ERBB4: variants seen among roughly 807,000 people sequenced by gnomAD.
ERBB4 encodes the protein receptor tyrosine-protein kinase erbB-4.
A neutral mutation model predicts 158.0 loss-of-function variants in ERBB4; 42 were observed. The observed-to-expected ratio is 0.27, with a 90% confidence interval of 0.21 to 0.34. The LOEUF (loss-of-function observed/expected upper bound fraction) is 0.34, where lower values mean the gene tolerates loss of function less well. Among genes scored for constraint, ERBB4 ranks in the 10% least tolerant of loss-of-function variants. ERBB4 has a pLI of 1.00. For synonymous variants in ERBB4, 583 were observed against 558.7 expected (o/e 1.04, Z -0.61); for missense variants, 1,333 against 1,624.1 (o/e 0.82, Z 3.08).
chr2:212,282,460 G>A (rs1334037363), intron 1 of ERBB4, among the ~76,000 whole-genome samples: 2 of 151,848 alleles, frequency 1.3e-5, no homozygotes, highest in African/African-American at 4.8e-5. Context: ...GATTTACTAT[G>A]GGAAGATACA....
chr2:212,011,640 C>T (rs2076389714), intron 2 of ERBB4, among the ~76,000 whole-genome samples: 1 of 151,906 alleles, frequency 6.6e-6, no homozygotes. Context: ...ATCCAAGCCA[C>T]TCAGGAGGCT....
At chr2:211,937,978 C>T (rs2080375206) in intron 3 of ERBB4, among the ~76,000 whole-genome samples, 1 of 152,102 alleles carries the variant, frequency 6.6e-6, no homozygotes, top group Non-Finnish European at 1.5e-5. Flanking sequence ...GTCATAGCAG[C>T]TTAAAACATA....
intron 2 of ERBB4, among the ~76,000 whole-genome samples, chr2:212,061,741 T>TC (rs910729294): frequency 6.7e-6 from 1 of 149,844 alleles, no homozygotes; most frequent in African/African-American, 2.4e-5. Flanking sequence ...TCTTTTCTTT[T>TC]TTTTTTTTTT....
intron 1 of ERBB4, among the ~76,000 whole-genome samples, chr2:212,190,738 G>A (rs2082164811): frequency 6.6e-6 from 1 of 152,140 alleles, no homozygotes; most frequent in South Asian, 2.1e-4. Flanking sequence ...ACATCCTAAT[G>A]ATGAAAACCT....
intron 1 of ERBB4, among the ~76,000 whole-genome samples, chr2:212,398,102 ATG>A (rs143581724): frequency 0.024 from 3,571 of 149,734 alleles, 58 homozygotes; most frequent in Non-Finnish European, 0.032. Flanking sequence ...ATACATATAT[ATG>A]TGTGTGTGTG....
chr2:212,346,949 T>C (rs544606486), intron 1 of ERBB4, among the ~76,000 whole-genome samples: 2 of 152,270 alleles, frequency 1.3e-5, no homozygotes, highest in Non-Finnish European at 2.9e-5. Flanking sequence ...ATTCTTTTTA[T>C]TGTACTTATT....
In ERBB4 at chr2:212,194,291, TACAC is replaced by T. The variant is rs5838307; in HGVS notation, c.83-69392_83-69389del. Among the ~76,000 whole-genome samples, 1,464 of 148,818 alleles carry T rather than the reference TACAC, an allele frequency of 9.8e-3. 15 individuals are homozygous for T. The highest frequency in any genetic ancestry group is 0.031 in the African/African-American group (1,275 of 40,504). Reference sequence around the variant, plus strand: ...ATTTATATATAGTTTAAATAGTTTATACACACACACACACACACACACACACACT... The same window carrying T: ...ATTTATATATAGTTTAAATAGTTTATACACACACACACACACACACACACT... On this transcript the variant is annotated intron_variant, in intron 1 of 27. Transcript: ENST00000342788.
chr2:212,482,686 A>G lies in ERBB4; in HGVS notation c.82+55763T>C, dbSNP rs938879847. The stretch of plus-strand genomic sequence containing the variant: ...GGCTGGAGTGCAGTGGTGCTATCTC[A>G]GCTCACTGCAACCTCTATCTCCTGG... On this transcript the variant is annotated intron_variant, in intron 1 of 27. Transcript: ENST00000342788. 2.0e-5 allele frequency among the ~76,000 whole-genome samples: 3 copies of G among 152,144 alleles called. No homozygotes were observed. In the East Asian group the frequency reaches 5.8e-4, roughly 29 times the overall value.
At chr2:211,439,873 G>T (rs929405656) in intron 20 of ERBB4, among the ~76,000 whole-genome samples, 6 of 152,192 alleles carry the variant, frequency 3.9e-5, no homozygotes, top group African/African-American at 1.4e-4. Context: ...CCCAGGGGTA[G>T]AGAAGGGGAA....
At position 211,998,850 on chromosome 2, in the gene ERBB4, T is replaced by C. The variant is rs1331041155; in HGVS notation, c.235-51234A>G. 4.0e-5 allele frequency among the ~76,000 whole-genome samples: 6 copies of C among 151,880 alleles called. No homozygotes were observed. In the East Asian group the frequency reaches 1.2e-3, roughly 29 times the overall value. On this transcript the variant is annotated intron_variant, in intron 2 of 27. Transcript: ENST00000342788. ...TTATACTGTGATGCATTACAGAATATTTTTACTATACACTGGAAAGCATTA... is the reference window on the plus strand; with the variant it reads ...TTATACTGTGATGCATTACAGAATACTTTTACTATACACTGGAAAGCATTA...
chr2:211,908,043 GA>G (rs112792994), intron 3 of ERBB4, among the ~76,000 whole-genome samples: 20,701 of 149,738 alleles, frequency 0.14, 1,857 homozygotes, highest in African/African-American at 0.22. Flanking sequence ...TGGAGCACTG[GA>G]AAAAAAAACA....
intron 16 of ERBB4, among the ~76,000 whole-genome samples, chr2:211,634,688 T>C (rs1574898542): frequency 6.6e-6 from 1 of 152,180 alleles, no homozygotes; most frequent in Admixed American, 6.5e-5. Context: ...TTTATTTTTA[T>C]TTTTTAGATG....
chr2:212,161,175 C>T (rs1457400221), intron 1 of ERBB4, among the ~76,000 whole-genome samples: 1 of 151,842 alleles, frequency 6.6e-6, no homozygotes, highest in African/African-American at 2.4e-5. Context: ...TCTTCATCAG[C>T]CACACAATTG....
At chr2:211,834,577 T>A (rs972935084) in intron 3 of ERBB4, among the ~76,000 whole-genome samples, 8 of 152,124 alleles carry the variant, frequency 5.3e-5, no homozygotes, top group Admixed American at 2.6e-4. Context: ...TAATATTTTT[T>A]TACTTTGTTC....
chr2:212,280,211 A>G (rs2085701687), intron 1 of ERBB4, among the ~76,000 whole-genome samples: 1 of 151,662 alleles, frequency 6.6e-6, no homozygotes, highest in Non-Finnish European at 1.5e-5. Context: ...GCTCTCAAAA[A>G]TATAGTAGTT....
At chr2:211,639,632 T>C (rs1356751679) in intron 16 of ERBB4, among the ~76,000 whole-genome samples, 4 of 152,220 alleles carry the variant, frequency 2.6e-5, no homozygotes, top group Admixed American at 2.6e-4. Context: ...CCTACCTTTA[T>C]CTATCGAAGC....
chr2:211,751,731 C>T (rs1235488673), intron 4 of ERBB4, among the ~76,000 whole-genome samples: 1 of 152,114 alleles, frequency 6.6e-6, no homozygotes. Flanking sequence ...AATTCCTCAA[C>T]CAGAAAGTTC....
intron 25 of ERBB4, among the ~76,000 whole-genome samples, chr2:211,401,493 G>A (rs545284792): frequency 4.6e-5 from 7 of 151,932 alleles, no homozygotes; most frequent in Admixed American, 3.3e-4. Context: ...GAAGTCCTCC[G>A]TGCTGAATGT....
chr2:212,333,970 G>A (rs1344286701), intron 1 of ERBB4, among the ~76,000 whole-genome samples: 1 of 151,930 alleles, frequency 6.6e-6, no homozygotes, highest in Non-Finnish European at 1.5e-5. Context: ...CAAGCACACT[G>A]GACTGGAGGC....
Sources: gnomAD v4.1 joint callset for allele counts (sites outside exome capture counted in the v4.1 genomes callset) on GRCh38, gnomAD v4.1.1 for gene constraint, MANE v1.5 for transcripts, NCBI Gene and HGNC (gene_info 2026-07-23, HGNC 2026-07-21) for gene names.